MAML2: variants seen among roughly 807,000 people sequenced by gnomAD.
MAML2 encodes the protein mastermind-like protein 2.
MAML2 carries 22 observed loss-of-function variants against 96.1 expected under a neutral mutation model. That is an observed-to-expected ratio of 0.23 (90% CI 0.16 to 0.33). The LOEUF (loss-of-function observed/expected upper bound fraction) is 0.33. Ranked by LOEUF, MAML2 falls within the 10% of genes least tolerant of loss-of-function variation. The probability of loss-of-function intolerance (pLI) is 1.00; values close to 1 mark genes in which losing one functional copy is unlikely to be tolerated. For missense variants in MAML2, 1,367 were observed against 1,392.4 expected (o/e 0.98, Z 0.29); for synonymous variants, 561 against 521.3 (o/e 1.08, Z -1.04).
intron 2 of MAML2, among the ~76,000 whole-genome samples, chr11:96,049,823 C>A (rs952757646): frequency 5.3e-5 from 8 of 152,130 alleles, no homozygotes; most frequent in African/African-American, 1.9e-4. Flanking sequence ...ATCTCTAACA[C>A]CTCATTAATG....
rs746679328 is a variant in MAML2, at chr11:96,091,999, G to C, written c.2032C>G (p.Pro678Ala). 93 of 1,587,630 alleles carry C rather than the reference G, an allele frequency of 5.9e-5. No homozygotes were observed. Among genetic ancestry groups the C allele is most frequent in the Admixed American group, 2.3e-4 (13 of 55,380 alleles). ...SQPAQSLPSQ[P>A]LLRSPLPLQQ... ...AGTGGCAAAGGTGACCTTAGCAAAG[G>C]CTGGCTTGGTAGAGATTGGGCAGGC... The change falls in exon 2 of 5, where the codon CCT becomes GCT. Residue 678 changes from proline (P) to alanine (A), a missense_variant. Coordinates refer to ENST00000524717, the MANE Select transcript of MAML2 (RefSeq NM_032427.4).
At chr11:96,207,273 C>T (rs2135935547) in intron 1 of MAML2, among the ~76,000 whole-genome samples, 1 of 152,320 alleles carries the variant, frequency 6.6e-6, no homozygotes. Flanking sequence ...ACTGGCCCAT[C>T]TTTTAAGCCT....
chr11:96,022,512 A>C (rs1375238331), intron 2 of MAML2, among the ~76,000 whole-genome samples: 2 of 152,144 alleles, frequency 1.3e-5, no homozygotes, highest in African/African-American at 4.8e-5. Context: ...CTGATTTGAA[A>C]AGGGTCACTG....
intron 1 of MAML2, among the ~76,000 whole-genome samples, chr11:96,227,999 G>C (rs1180261366): frequency 1.3e-5 from 2 of 152,236 alleles, no homozygotes; most frequent in African/African-American, 4.8e-5. Context: ...CCACTCGGGG[G>C]GCTGAGGTGG....
intron 1 of MAML2, among the ~76,000 whole-genome samples, chr11:96,167,426 G>T (rs1861212290): frequency 6.6e-6 from 1 of 152,148 alleles, no homozygotes; most frequent in Admixed American, 6.5e-5. Flanking sequence ...CTTCCCATCA[G>T]AGAAATCTGA....
intron 1 of MAML2, among the ~76,000 whole-genome samples, chr11:96,276,646 T>C (rs2135983023): frequency 6.6e-6 from 1 of 152,040 alleles, no homozygotes; most frequent in South Asian, 2.1e-4. Context: ...ATCCACGTAG[T>C]TAAATGGATC....
At chr11:96,235,066 G>T (rs1037428313) in intron 1 of MAML2, among the ~76,000 whole-genome samples, 6 of 151,996 alleles carry the variant, frequency 3.9e-5, no homozygotes, top group Admixed American at 1.3e-4. Context: ...AGTCAGTTTT[G>T]CCTGAGTCAG....
chr11:96,311,637 T>C (rs1019927425), intron 1 of MAML2, among the ~76,000 whole-genome samples: 6 of 152,114 alleles, frequency 3.9e-5, no homozygotes, highest in Non-Finnish European at 7.4e-5. Context: ...CATGCAGAAA[T>C]GGTGCTATAG....
At chr11:96,340,475 G>T (rs1459594701) in intron 1 of MAML2, among the ~76,000 whole-genome samples, 1 of 152,242 alleles carries the variant, frequency 6.6e-6, no homozygotes, top group East Asian at 1.9e-4. Flanking sequence ...ACCTGACCAG[G>T]ACTGGCACTG....
chr11:96,188,670 A>C (rs2135918726), intron 1 of MAML2, among the ~76,000 whole-genome samples: 1 of 152,138 alleles, frequency 6.6e-6, no homozygotes, highest in East Asian at 1.9e-4. Context: ...CCATAATGTA[A>C]TGAAAACGTG....
intron 1 of MAML2, among the ~76,000 whole-genome samples, chr11:96,315,231 A>C (rs1863612732): frequency 6.6e-6 from 1 of 152,218 alleles, no homozygotes; most frequent in East Asian, 1.9e-4. Flanking sequence ...GTATTGAAAA[A>C]ATGAGGACAA....
At chr11:96,124,117 A>AT (rs397766596) in intron 1 of MAML2, among the ~76,000 whole-genome samples, 2 of 150,648 alleles carry the variant, frequency 1.3e-5, no homozygotes, top group Non-Finnish European at 3.0e-5. Flanking sequence ...AAAAAAAAAA[A>AT]GGAGTAAACC....
chr11:96,060,655 G>A (rs1195607501), intron 2 of MAML2, among the ~76,000 whole-genome samples: 1 of 152,192 alleles, frequency 6.6e-6, no homozygotes, highest in African/African-American at 2.4e-5. Context: ...CAAATGTGCT[G>A]CAATTCGTTA....
chr11:96,223,771 T>G (rs1862174398), intron 1 of MAML2, among the ~76,000 whole-genome samples: 1 of 152,202 alleles, frequency 6.6e-6, no homozygotes, highest in Admixed American at 6.5e-5. Flanking sequence ...ATAGTAGTAC[T>G]GTTCTTCTGA....
intron 2 of MAML2, among the ~76,000 whole-genome samples, chr11:96,028,920 G>T (rs1401851518): frequency 6.6e-6 from 1 of 151,858 alleles, no homozygotes; most frequent in South Asian, 2.1e-4. Context: ...TTAAAATAAG[G>T]CTATAAAAAT....
At chr11:96,145,703 G>T (rs901280859) in intron 1 of MAML2, among the ~76,000 whole-genome samples, 3 of 152,110 alleles carry the variant, frequency 2.0e-5, no homozygotes, top group South Asian at 4.1e-4. Flanking sequence ...TGATGTGTGA[G>T]GGCTTTTAAA....
intron 2 of MAML2, among the ~76,000 whole-genome samples, chr11:95,992,974 A>G (rs1591081067): frequency 1.3e-5 from 2 of 152,072 alleles, no homozygotes; most frequent in Admixed American, 1.3e-4. Flanking sequence ...TCAACCTCCC[A>G]GGCTCAAGCA....
At chr11:96,033,487 G>A (rs1384981376) in intron 2 of MAML2, among the ~76,000 whole-genome samples, 1 of 152,242 alleles carries the variant, frequency 6.6e-6, no homozygotes, top group African/African-American at 2.4e-5. Flanking sequence ...TTTCAAGTCT[G>A]TAAGTCCTTC....
chr11:96,091,137 C>G (rs988909284), intron 2 of MAML2, among the ~76,000 whole-genome samples: 1 of 152,142 alleles, frequency 6.6e-6, no homozygotes, highest in Non-Finnish European at 1.5e-5. Context: ...TTATGTTAAC[C>G]AAACGATGTA....
Sources: allele counts gnomAD v4.1 joint callset (sites outside exome capture counted in the v4.1 genomes callset), GRCh38; gene constraint gnomAD v4.1.1; transcripts MANE v1.5; gene names NCBI Gene and HGNC (gene_info 2026-07-23, HGNC 2026-07-21).